Variants in ATP11A observed in about 807,000 individuals in gnomAD.
The protein encoded by ATP11A is ATPase phospholipid transporting 11A.
Under a neutral mutation model 154.4 loss-of-function variants are expected in ATP11A, and 81 were observed. The observed-to-expected ratio is 0.52, with a 90% CI of 0.44 to 0.63. The LOEUF (loss-of-function observed/expected upper bound fraction) is 0.63, where lower values mean the gene tolerates loss of function less well. Ranked by LOEUF, ATP11A falls within the 30% of genes least tolerant of loss-of-function variation. ATP11A has a pLI of 0.00. For missense variants in ATP11A, 1,316 were observed against 1,474.3 expected, an observed-to-expected ratio of 0.89 and a Z score of 1.76; for synonymous variants, 623 against 585.9, an observed-to-expected ratio of 1.06 and a Z score of -0.91.
rs375616483 is a variant in ATP11A, at chr13:112,819,954, A to G, written c.725+4A>G. 6.3e-7 allele frequency: 1 copy of G among 1,598,678 alleles called. No individual in the cohort carries two copies. Among genetic ancestry groups the G allele is most frequent in the African/African-American group, 1.3e-5 (1 of 74,152 alleles). On this transcript the variant is annotated splice_donor_region_variant and intron_variant, in intron 8 of 29. Transcript: ENST00000375645. ...ACCTGAATGACCCCGTGGTGAGGTG[A>G]GTGCCTCTGCGGATGCCTTGGCCAC...
chr13:112,845,786 TCCAGTTTCCAGGCACTAGTGATACTAA>T (rs2079583335), intron 17 of ATP11A, among the ~76,000 whole-genome samples: 1 of 87,094 alleles, frequency 1.1e-5, no homozygotes, highest in Non-Finnish European at 2.4e-5. Flanking sequence ...TACTAACCAG[TCCAGTTTCCAGGCACTAGTGATACTAA>T]CCAGTCCAGT....
intron 2 of ATP11A, among the ~76,000 whole-genome samples, chr13:112,802,148 A>G (rs558832584): frequency 6.6e-6 from 1 of 152,038 alleles, no homozygotes; most frequent in Non-Finnish European, 1.5e-5. Context: ...ATTGAGACCA[A>G]CCTGGCCAAC....
chr13:112,702,824 G>A (rs1271018419), intron 1 of ATP11A, among the ~76,000 whole-genome samples: 2 of 152,256 alleles, frequency 1.3e-5, no homozygotes, highest in African/African-American at 4.8e-5. Flanking sequence ...CGGTGTCTCA[G>A]GGCCTTGCTG....
At chr13:112,778,146 A>G (rs979280356) in intron 1 of ATP11A, among the ~76,000 whole-genome samples, 1 of 152,224 alleles carries the variant, frequency 6.6e-6, no homozygotes, top group Non-Finnish European at 1.5e-5. Context: ...TTTTGCAAAA[A>G]TGTATTTTTT....
At chr13:112,718,671 CTT>C (rs35646090) in intron 1 of ATP11A, among the ~76,000 whole-genome samples, 2 of 134,662 alleles carry the variant, frequency 1.5e-5, no homozygotes, top group Non-Finnish European at 1.6e-5. Flanking sequence ...GCAGGCTGCA[CTT>C]TTTTTTTTTT....
At chr13:112,799,365 A>G (rs2078075964) in intron 2 of ATP11A, among the ~76,000 whole-genome samples, 1 of 152,214 alleles carries the variant, frequency 6.6e-6, no homozygotes, top group Non-Finnish European at 1.5e-5. Flanking sequence ...AAGGCTGTTT[A>G]TTCACTTGGA....
rs529863323 is a variant in ATP11A, at chr13:112,754,977, G to C, written c.40-30158G>C. 6.6e-5 allele frequency among the ~76,000 whole-genome samples: 10 copies of C among 152,364 alleles called. No homozygotes were observed. In the South Asian group the frequency reaches 1.9e-3, roughly 28 times the overall value. ...GGGCGCAGAGCTCCTGCCGAGGGCT[G>C]GATGGCGCGGACCTGGGCATCGTGG... On this transcript the variant is annotated intron_variant, in intron 1 of 29. Transcript: ENST00000375645. This position sits in a 1 kb window ranked among gnomAD's most constrained non-coding sequence, Gnocchi z 5.3.
intron 2 of ATP11A, among the ~76,000 whole-genome samples, chr13:112,790,183 T>G (rs1050227495): frequency 6.8e-6 from 1 of 146,400 alleles, no homozygotes; most frequent in Non-Finnish European, 1.5e-5. Flanking sequence ...TAGACTCCTA[T>G]GTAGACCTAT....
intron 1 of ATP11A, among the ~76,000 whole-genome samples, chr13:112,710,572 A>C (rs999583908): frequency 6.6e-6 from 1 of 152,302 alleles, no homozygotes; most frequent in Admixed American, 6.5e-5. Flanking sequence ...GAGGCGGCGG[A>C]GGCCTCTGTG....
intron 1 of ATP11A, among the ~76,000 whole-genome samples, chr13:112,758,228 G>A (rs890747151): frequency 6.6e-6 from 1 of 150,864 alleles, no homozygotes; most frequent in Non-Finnish European, 1.5e-5. Flanking sequence ...TGCCTGGCTA[G>A]TTTTTGTATT....
rs1466580199 is a variant in ATP11A at position 112,883,445 on chromosome 13, C to T, written c.*1579C>T. On this transcript the variant is annotated 3_prime_UTR_variant, in exon 30 of 30. Coordinates refer to ENST00000375645, the MANE Select transcript of ATP11A (RefSeq NM_015205.3). Reference sequence around the variant, plus strand: ...AGCCGGCCCTCACGCCCGCCCCGCGCCACGCTGTGGAACGGGGCTCCGGCA... The same window carrying T: ...AGCCGGCCCTCACGCCCGCCCCGCGTCACGCTGTGGAACGGGGCTCCGGCA... The T allele has an allele frequency of 2.7e-6, 1 of 373,310 alleles. No homozygotes were observed. Among genetic ancestry groups the T allele is most frequent in the African/African-American group, 2.1e-5 (1 of 48,128 alleles). 23.1% of individuals were successfully genotyped at this position (373,310 alleles called of 1,614,324 possible). A position where few individuals can be genotyped will look rare whatever the true frequency, so the allele number is the denominator to read the frequency against.
At position 112,884,389 on chromosome 13, in the gene ATP11A, GACA is replaced by G. The variant is rs1442497068; in HGVS notation, c.*2528_*2530del. On this transcript the variant is annotated 3_prime_UTR_variant, in exon 30 of 30. Coordinates refer to ENST00000375645, the MANE Select transcript of ATP11A (RefSeq NM_015205.3). ...GTGGAGATAGTCACCATGTACCTCT[GACA>G]ACAAGTTTTAGTGTGAAAGTCACTA... 1 of 152,500 alleles carries G rather than the reference GACA, an allele frequency of 6.6e-6. No homozygotes were observed. The highest frequency in any genetic ancestry group is 1.5e-5 in the Non-Finnish European group (1 of 68,018). 9.4% of individuals were successfully genotyped at this position (152,500 alleles called of 1,614,324 possible). A position where few individuals can be genotyped will look rare whatever the true frequency, so the allele number is the denominator to read the frequency against.
chr13:112,780,496 C>T (rs937603879), intron 1 of ATP11A, among the ~76,000 whole-genome samples: 1 of 152,176 alleles, frequency 6.6e-6, no homozygotes, highest in African/African-American at 2.4e-5. Flanking sequence ...TGGGTGTCGG[C>T]GCTTCCTTCC....
chr13:112,752,124 T>G (rs929227729), intron 1 of ATP11A, among the ~76,000 whole-genome samples: 5 of 152,198 alleles, frequency 3.3e-5, no homozygotes, highest in Non-Finnish European at 7.3e-5. Context: ...ATGTTTCCTT[T>G]CTTAGGGCCT....
intron 1 of ATP11A, among the ~76,000 whole-genome samples, chr13:112,702,179 C>T (rs1200364375): frequency 2.0e-5 from 3 of 151,852 alleles, no homozygotes; most frequent in East Asian, 3.9e-4. Context: ...AATCCTGTCT[C>T]TACTACAAAT....
Position 112,875,896 on chromosome 13 carries a change from A to T in ATP11A, c.3282A>T (p.Lys1094Asn). The T allele has an allele frequency of 6.2e-7, 1 of 1,613,478 alleles. No individual in the cohort carries two copies. ...GCCTCCTTCCCGACGTCCTCAAGAA[A>T]GTCCTGTGCCGGCAGCTGTGGCCAA... ...TISLLPDVLK[K>N]VLCRQLWPTA... Residue 1094 changes from lysine to asparagine, a missense_variant, in exon 28 of 30, where the codon AAA becomes AAT. Lys to Asn is a moderately conservative substitution (Grantham distance 94, BLOSUM62 0). Around this residue, in one of 5 missense-constraint regions of ATP11A, gnomAD observed 294 missense variants for 290.2 expected, o/e 1.01. Transcript: ENST00000375645. The surrounding 1 kb of genome is among the most constrained non-coding windows in gnomAD (Gnocchi z 4.1).
intron 2 of ATP11A, among the ~76,000 whole-genome samples, chr13:112,786,918 G>GA (rs2077644662): frequency 6.7e-6 from 1 of 148,938 alleles, no homozygotes; most frequent in Admixed American, 6.6e-5. Flanking sequence ...AATTCACACC[G>GA]GTGTCCTGAC....
Position 112,749,170 on chromosome 13 carries a change from G to T in ATP11A, c.40-35965G>T, listed in dbSNP as rs543369377. ...GGTGGATGCCGTGGGCCATGGATGCGCCTCCATCTCCGCACAGTGCAGCCG... is the reference window on the plus strand; with the variant it reads ...GGTGGATGCCGTGGGCCATGGATGCTCCTCCATCTCCGCACAGTGCAGCCG... On this transcript the variant is annotated intron_variant, in intron 1 of 29. Transcript: ENST00000375645. Among the ~76,000 whole-genome samples, 5 of 152,296 alleles carry T rather than the reference G, an allele frequency of 3.3e-5. 1 individual carries two copies. The South Asian group carries it at 1.0e-3, about 32-fold the overall frequency.
chr13:112,763,199 C>T (rs190699793), intron 1 of ATP11A, among the ~76,000 whole-genome samples: 8 of 152,192 alleles, frequency 5.3e-5, no homozygotes, highest in South Asian at 2.1e-4. Flanking sequence ...CGTTGTAAAC[C>T]GAAAACAAAA....
Sources: gnomAD v4.1 joint callset for allele counts (sites outside exome capture counted in the v4.1 genomes callset) on GRCh38, gnomAD v4.1.1 for gene constraint, gnomAD v4.1.1 regional missense constraint, Gnocchi (gnomAD v3.1) non-coding constraint, MANE v1.5 for transcripts, NCBI Gene and HGNC (gene_info 2026-07-23, HGNC 2026-07-21) for gene names.